Variants in KIF26A observed in about 807,000 individuals in gnomAD.
KIF26A encodes the protein kinesin-like protein KIF26A.
In KIF26A, 74 loss-of-function variants were observed where a neutral mutation model predicts 126.0. The observed-to-expected ratio is 0.59, with a 90% CI of 0.49 to 0.71. The LOEUF (loss-of-function observed/expected upper bound fraction) is 0.71. Ranked by LOEUF, KIF26A falls within the 30% of genes least tolerant of loss-of-function variation. The probability of loss-of-function intolerance (pLI) is 0.00; values close to 1 mark genes in which losing one functional copy is unlikely to be tolerated. For synonymous variants in KIF26A, 1,445 were observed against 1,232.7 expected (o/e 1.17, Z -3.61); for missense variants, 2,984 against 2,763.3 (o/e 1.08, Z -1.79).
At chr14:104,156,973 A>G (rs2141099451) in intron 3 of KIF26A, among the ~76,000 whole-genome samples, 1 of 152,156 alleles carries the variant, frequency 6.6e-6, no homozygotes, top group East Asian at 1.9e-4. Context: ...AGCTTGGGGC[A>G]CTGGGCCCTT....
intron 2 of KIF26A, among the ~76,000 whole-genome samples, chr14:104,145,530 T>C (rs2037672955): frequency 6.6e-6 from 1 of 152,230 alleles, no homozygotes; most frequent in Non-Finnish European, 1.5e-5. Context: ...GCATTGGACC[T>C]GGGATGGTCG....
In KIF26A at chr14:104,139,024, C is replaced by T. The variant is rs930416403; in HGVS notation, c.43-19C>T. 1.9e-4 allele frequency: 258 copies of T among 1,333,420 alleles called. No homozygotes were observed. In the East Asian group the frequency reaches 7.5e-3, roughly 39 times the overall value. 82.6% of individuals were successfully genotyped at this position (1,333,420 alleles called of 1,614,324 possible). ...GACGTCCCAGGCTCACTGTCCGCTT[C>T]CGCCCCCACACCCTGCAGGTGGCCG... is the stretch of plus-strand genomic sequence containing the variant. On this transcript the variant is annotated intron_variant, in intron 1 of 14. Coordinates refer to ENST00000423312, the MANE Select transcript of KIF26A (RefSeq NM_015656.2).
chr14:104,168,056 G>A (rs945272227), intron 5 of KIF26A, among the ~76,000 whole-genome samples: 1 of 152,214 alleles, frequency 6.6e-6, no homozygotes, highest in African/African-American at 2.4e-5. Flanking sequence ...CACTGCCCTA[G>A]CTGTACTGGG....
chr14:104,176,627 C>T lies in KIF26A; in HGVS notation c.3839C>T (p.Ala1280Val). The stretch of plus-strand genomic sequence containing the variant: ...GAGGCCCAGGTGATGCTAGCCTGTG[C>T]CCAGAGAGTGGTGGACGGGTGTGAG... ...LPEAQVMLAC[A>V]QRVVDGCEVA... Residue 1280 changes from alanine (A) to valine (V), a missense_variant, in exon 12 of 15, where the codon GCC (alanine) becomes GTC (valine). Ala to Val is a moderately conservative substitution (Grantham distance 64, BLOSUM62 0). Coordinates refer to ENST00000423312, the MANE Select transcript of KIF26A (RefSeq NM_015656.2). The T allele has an allele frequency of 6.2e-7, 1 of 1,607,790 alleles. No individual in the cohort carries two copies. Among genetic ancestry groups the T allele is most frequent in the Non-Finnish European group, 8.5e-7 (1 of 1,178,378 alleles).
intron 4 of KIF26A, among the ~76,000 whole-genome samples, chr14:104,160,281 G>A (rs1024986500): frequency 4.6e-5 from 7 of 152,204 alleles, no homozygotes; most frequent in African/African-American, 1.7e-4. Context: ...TTTGAATCCC[G>A]TGGGCCTGGG....
At position 104,177,763 on chromosome 14, in the gene KIF26A, G is replaced by A. The variant is rs1365604700; in HGVS notation, c.4975G>A (p.Gly1659Ser). Residue 1659 changes from glycine to serine, a missense_variant, in exon 12 of 15, where the codon GGC becomes AGC. Coordinates refer to ENST00000423312, the MANE Select transcript of KIF26A (RefSeq NM_015656.2). The stretch of plus-strand genomic sequence containing the variant: ...TTTCCACCACAGCGGTGGCAGCAGT[G>A]GCTATGAGAGCCTGCGGCGCGACAG... ...ALFHHSGGSSGYESLRRDSEA... is the reference protein window; with the variant it reads ...ALFHHSGGSSSYESLRRDSEA... 6.5e-7 allele frequency: 1 copy of A among 1,547,116 alleles called. No homozygotes were observed. Among genetic ancestry groups the A allele is most frequent in the Non-Finnish European group, 8.7e-7 (1 of 1,153,566 alleles).
intron 4 of KIF26A, among the ~76,000 whole-genome samples, chr14:104,160,464 CAG>C (rs1238876915): frequency 3.3e-5 from 5 of 152,132 alleles, no homozygotes; most frequent in African/African-American, 4.8e-5. Context: ...TTAATGCTAA[CAG>C]GGGCATAGAT....
chr14:104,169,363 T>C (rs989130905), intron 5 of KIF26A, among the ~76,000 whole-genome samples: 3 of 152,230 alleles, frequency 2.0e-5, no homozygotes, highest in Non-Finnish European at 4.4e-5. Flanking sequence ...CGCAACACTT[T>C]TCCCAGCGCC....
intron 4 of KIF26A, among the ~76,000 whole-genome samples, chr14:104,165,749 CTG>C (rs769098596): frequency 9.5e-5 from 14 of 148,138 alleles, no homozygotes; most frequent in African/African-American, 2.5e-4. Flanking sequence ...ATATGTGTGT[CTG>C]TGTTTCTGTA....
Position 104,176,761 on chromosome 14 carries a change from G to T in KIF26A, c.3973G>T (p.Ala1325Ser). Reference sequence around the variant, plus strand: ...AACGCCAGCTGTGTCCTGGGGAGATGCTCCCACGGAGGTGGTGGCCTGCTC... The same window carrying T: ...AACGCCAGCTGTGTCCTGGGGAGATTCTCCCACGGAGGTGGTGGCCTGCTC... ...VTTPAVSWGD[A>S]PTEVVACSGS... is the part of the protein sequence containing the mutation. Residue 1325 changes from alanine to serine, a missense_variant, in exon 12 of 15, where the codon GCT becomes TCT. Physicochemically the swap from Ala to Ser is moderately conservative, Grantham distance 99 (BLOSUM62 1). Coordinates refer to ENST00000423312, the MANE Select transcript of KIF26A (RefSeq NM_015656.2). The T allele has an allele frequency of 6.3e-7, 1 of 1,583,506 alleles. No individual in the cohort carries two copies. Among genetic ancestry groups the T allele is most frequent in the East Asian group, 2.3e-5 (1 of 43,254 alleles).
chr14:104,177,190 C>T lies in KIF26A; in HGVS notation c.4402C>T (p.Pro1468Ser). Residue 1468 changes from proline to serine, a missense_variant, in exon 12 of 15, where the codon CCA (proline) becomes TCA (serine). Coordinates refer to ENST00000423312, the MANE Select transcript of KIF26A (RefSeq NM_015656.2). The part of the protein sequence containing the change: ...PPRAVPKLGV[P>S]PSSPTHGPAP... ...CCGGGCTGTACCCAAGCTGGGTGTG[C>T]CACCCTCCAGCCCCACACACGGTCC... 6.3e-7 allele frequency: 1 copy of T among 1,595,494 alleles called. No individual in the cohort carries two copies. The highest frequency in any genetic ancestry group is 8.5e-7 in the Non-Finnish European group (1 of 1,177,166).
Position 104,163,583 on chromosome 14 carries a change from T to C in KIF26A, c.924-3276T>C, listed in dbSNP as rs543906443. Among the ~76,000 whole-genome samples the C allele has an allele frequency of 3.9e-3, 562 of 144,356 alleles. 4 individuals carry two copies. Among genetic ancestry groups the C allele is most frequent in the African/African-American group, 0.014 (537 of 39,220 alleles). 94.7% of individuals were successfully genotyped at this position (144,356 alleles called of 152,430 possible). A position where few individuals can be genotyped will look rare whatever the true frequency, so the allele number is the denominator to read the frequency against. On this transcript the variant is annotated intron_variant, in intron 4 of 14. Coordinates refer to ENST00000423312, the MANE Select transcript of KIF26A (RefSeq NM_015656.2). ...AGGCACACAGGCCCGGGCCCCACGA[T>C]GCAGGTGCCATTGCCTCCCCTTGCA...
chr14:104,163,643 G>C (rs953416720), intron 4 of KIF26A, among the ~76,000 whole-genome samples: 2 of 151,704 alleles, frequency 1.3e-5, no homozygotes, highest in Non-Finnish European at 2.9e-5. Flanking sequence ...ACCCTGTGTG[G>C]CTCAGCTACC....
rs1461473192 is a variant in KIF26A, at chr14:104,178,670, A to G, written c.5231A>G (p.Glu1744Gly). ...LPPPLAGSLK[E>G]PFEIKVYEID... ...CCGCCCCTGGCTGGCTCCCTGAAGG[A>G]GCCGTTCGAGATCAAGGTGTACGAG... The change falls in exon 13 of 15, where the codon GAG (glutamate) becomes GGG (glycine). Residue 1744 changes from glutamate to glycine, a missense_variant. Glu to Gly is a moderately conservative substitution (Grantham distance 98). Coordinates refer to ENST00000423312, the MANE Select transcript of KIF26A (RefSeq NM_015656.2). 2 of 1,559,178 alleles carry G rather than the reference A, an allele frequency of 1.3e-6. No homozygotes were observed. Among genetic ancestry groups the G allele is most frequent in the Non-Finnish European group, 1.7e-6 (2 of 1,152,446 alleles).
At chr14:104,153,771 A>G (rs1323716735) in intron 3 of KIF26A, among the ~76,000 whole-genome samples, 5 of 152,200 alleles carry the variant, frequency 3.3e-5, no homozygotes. Context: ...GAAACCCAGG[A>G]TGGTGGGCAC....
chr14:104,176,499 C>G lies in KIF26A; in HGVS notation c.3711C>G (p.Gly1237=). The G allele has an allele frequency of 6.2e-7, 1 of 1,605,688 alleles. No homozygotes were observed. Among genetic ancestry groups the G allele is most frequent in the Non-Finnish European group, 8.5e-7 (1 of 1,179,646 alleles). ...RLGQSPPGRG[G]LFEDPWLLRV... The stretch of plus-strand genomic sequence containing the variant: ...GCCAGAGCCCACCTGGCCGTGGAGG[C>G]CTGTTTGAGGACCCATGGCTGCTCC... Residue 1237 remains glycine (G), a synonymous_variant, in exon 12 of 15, where the codon GGC becomes GGG. Coordinates refer to ENST00000423312, the MANE Select transcript of KIF26A (RefSeq NM_015656.2).
intron 3 of KIF26A, among the ~76,000 whole-genome samples, chr14:104,156,932 C>G (rs1017671286): frequency 4.6e-5 from 7 of 152,110 alleles, no homozygotes; most frequent in Non-Finnish European, 8.8e-5. Flanking sequence ...GTGACCTGAC[C>G]AGGCCACGGT....
In KIF26A at chr14:104,139,002, G is replaced by T. The variant is rs2037610288; in HGVS notation, c.43-41G>T. On this transcript the variant is annotated intron_variant, in intron 1 of 14. Transcript: ENST00000423312. ...GCGCAGGGGTCTGGATCCGACGGAC[G>T]TCCCAGGCTCACTGTCCGCTTCCGC... 6.8e-6 allele frequency: 9 copies of T among 1,325,586 alleles called. No individual in the cohort carries two copies. The East Asian group carries it at 2.2e-4, about 32-fold the overall frequency. The allele number at this position is 1,325,586 out of a possible 1,614,324, so 82.1% of individuals were successfully genotyped here. A position where few individuals can be genotyped will look rare whatever the true frequency, so the allele number is the denominator to read the frequency against.
At chr14:104,146,679 C>T (rs2037683062) in intron 2 of KIF26A, among the ~76,000 whole-genome samples, 3 of 152,166 alleles carry the variant, frequency 2.0e-5, no homozygotes. Flanking sequence ...TGGGGAGGGC[C>T]CTGGGAAGGT....
Sources: gnomAD v4.1 joint callset for allele counts (sites outside exome capture counted in the v4.1 genomes callset) on GRCh38, gnomAD v4.1.1 for gene constraint, MANE v1.5 for transcripts, NCBI Gene and HGNC (gene_info 2026-07-23, HGNC 2026-07-21) for gene names.